Variants in MYO5B observed in about 807,000 individuals in gnomAD.
MYO5B encodes the protein unconventional myosin-Vb.
Under a neutral mutation model 229.3 loss-of-function variants are expected in MYO5B, and 143 were observed. The observed-to-expected ratio is 0.62, with a 90% CI of 0.54 to 0.72. The LOEUF (loss-of-function observed/expected upper bound fraction) is 0.72, where lower values mean the gene tolerates loss of function less well. Among genes scored for constraint, MYO5B ranks in the 30% least tolerant of loss-of-function variants. The pLI is 0.00. For synonymous variants in MYO5B, 918 were observed against 885.2 expected (o/e 1.04, Z -0.66); for missense variants, 2,321 against 2,331.0 (o/e 1.00, Z 0.09).
At chr18:49,938,474 T>C (rs1190226032) in intron 14 of MYO5B, among the ~76,000 whole-genome samples, 1 of 152,072 alleles carries the variant, frequency 6.6e-6, no homozygotes, top group East Asian at 1.9e-4. Context: ...AAAAGGAACA[T>C]ACAGGCCCCA....
At chr18:50,002,178 A>T (rs932868482) in intron 4 of MYO5B, among the ~76,000 whole-genome samples, 2 of 152,142 alleles carry the variant, frequency 1.3e-5, no homozygotes, top group Non-Finnish European at 2.9e-5. Flanking sequence ...CCTGCATTTG[A>T]GCCTAGCATG....
At chr18:50,173,135 C>T (rs772027176) in intron 1 of MYO5B, among the ~76,000 whole-genome samples, 17 of 152,208 alleles carry the variant, frequency 1.1e-4, no homozygotes, top group Middle Eastern at 6.8e-3. Flanking sequence ...CATGGTGGCA[C>T]AAGCCTGTAA....
At chr18:49,971,944 A>G (rs1369301230) in intron 10 of MYO5B, among the ~76,000 whole-genome samples, 1 of 143,884 alleles carries the variant, frequency 7.0e-6, no homozygotes, top group East Asian at 2.0e-4. Context: ...GAAGATTAAG[A>G]AAAAAACAAC....
At chr18:50,108,678 T>C (rs1441686383) in intron 1 of MYO5B, among the ~76,000 whole-genome samples, 1 of 152,116 alleles carries the variant, frequency 6.6e-6, no homozygotes, top group Non-Finnish European at 1.5e-5. Context: ...CAGTGCCTCA[T>C]AAGGAGGTAT....
intron 1 of MYO5B, among the ~76,000 whole-genome samples, chr18:50,070,147 T>G (rs113874545): frequency 0.11 from 16,001 of 149,634 alleles, 1,655 homozygotes; most frequent in African/African-American, 0.27. Context: ...TCAGCCTCCC[T>G]AGTAGCTGGG....
intron 22 of MYO5B, among the ~76,000 whole-genome samples, chr18:49,883,197 G>C (rs1472595571): frequency 1.3e-5 from 2 of 152,182 alleles, no homozygotes; most frequent in Admixed American, 6.5e-5. Flanking sequence ...AGGCAAGAAA[G>C]ATAAAAGCAT....
intron 4 of MYO5B, among the ~76,000 whole-genome samples, chr18:50,022,656 A>G (rs1370428494): frequency 5.3e-5 from 8 of 152,140 alleles, no homozygotes; most frequent in Non-Finnish European, 4.4e-5. Context: ...TTAGATTCCT[A>G]CTCAGATATC....
intron 1 of MYO5B, among the ~76,000 whole-genome samples, chr18:50,081,073 C>CA (rs2031208943): frequency 6.6e-6 from 1 of 152,192 alleles, no homozygotes; most frequent in African/African-American, 2.4e-5. Context: ...ACCAGAGACT[C>CA]AAACACACCT....
intron 1 of MYO5B, among the ~76,000 whole-genome samples, chr18:50,171,559 A>T (rs2032920401): frequency 7.8e-6 from 1 of 128,346 alleles, no homozygotes; most frequent in African/African-American, 2.9e-5. Flanking sequence ...CATACAAGGC[A>T]ATAATTAAAT....
At chr18:49,994,350 C>G (rs765084062) in intron 5 of MYO5B, among the ~76,000 whole-genome samples, 57 of 152,352 alleles carry the variant, frequency 3.7e-4, no homozygotes, top group Non-Finnish European at 7.5e-4. Flanking sequence ...TTCAGTTTTT[C>G]TCTTGTGAAA....
chr18:50,117,752 G>A (rs886302692), intron 1 of MYO5B, among the ~76,000 whole-genome samples: 1 of 152,122 alleles, frequency 6.6e-6, no homozygotes, highest in Non-Finnish European at 1.5e-5. Flanking sequence ...GCTCACAAAT[G>A]GGAGTGATTT....
At chr18:50,068,071 T>C (rs944705865) in intron 1 of MYO5B, among the ~76,000 whole-genome samples, 4 of 151,762 alleles carry the variant, frequency 2.6e-5, no homozygotes, top group Non-Finnish European at 5.9e-5. Flanking sequence ...ACAACACTTT[T>C]AGAGTGGAAA....
chr18:50,125,541 A>C lies in MYO5B; in HGVS notation c.27+69226T>G, dbSNP rs571370558. Among the ~76,000 whole-genome samples the C allele has an allele frequency of 2.6e-4, 39 of 152,206 alleles. 1 individual carries two copies. Among genetic ancestry groups the C allele is most frequent in the Non-Finnish European group, 1.5e-4 (10 of 68,044 alleles). On this transcript the variant is annotated intron_variant, in intron 1 of 39. Transcript: ENST00000285039. ...ATAATAGTAATAATAATAAAAAGAA[A>C]GAAAAGTCTTATTTAGCAAACACTC...
chr18:49,870,168 C>T (rs1215282867), intron 27 of MYO5B, among the ~76,000 whole-genome samples: 1 of 152,222 alleles, frequency 6.6e-6, no homozygotes, highest in Non-Finnish European at 1.5e-5. Flanking sequence ...CTCTATGACA[C>T]ACCCTCCTAT....
intron 22 of MYO5B, among the ~76,000 whole-genome samples, chr18:49,893,693 C>A (rs1383448862): frequency 1.3e-5 from 2 of 152,222 alleles, no homozygotes; most frequent in Non-Finnish European, 2.9e-5. Context: ...CCACCTCTGG[C>A]CCCTGGAGAT....
intron 4 of MYO5B, among the ~76,000 whole-genome samples, chr18:50,004,934 G>A (rs373508356): frequency 9.2e-5 from 14 of 152,282 alleles, no homozygotes; most frequent in East Asian, 3.9e-4. Context: ...AACCTCGGCC[G>A]CACCACTGAT....
chr18:50,088,126 G>A (rs926551316), intron 1 of MYO5B, among the ~76,000 whole-genome samples: 2 of 152,204 alleles, frequency 1.3e-5, no homozygotes, highest in African/African-American at 2.4e-5. Context: ...CAGGACCGGT[G>A]TGGGGTGACC....
intron 1 of MYO5B, among the ~76,000 whole-genome samples, chr18:50,130,629 G>A (rs984249539): frequency 2.0e-5 from 3 of 152,126 alleles, no homozygotes; most frequent in South Asian, 2.1e-4. Context: ...AGCACCCTCC[G>A]TGGATTTATT....
chr18:49,890,794 T>C (rs2024703552), intron 22 of MYO5B, among the ~76,000 whole-genome samples: 1 of 152,174 alleles, frequency 6.6e-6, no homozygotes, highest in African/African-American at 2.4e-5. Flanking sequence ...TTCTGCAAAA[T>C]CTTGAAGTGT....
Sources: gnomAD v4.1 joint callset for allele counts (sites outside exome capture counted in the v4.1 genomes callset) on GRCh38, gnomAD v4.1.1 for gene constraint, MANE v1.5 for transcripts, NCBI Gene and HGNC (gene_info 2026-07-23, HGNC 2026-07-21) for gene names.